CAMK2B: variants seen among roughly 807,000 people sequenced by gnomAD.
CAMK2B encodes calcium/calmodulin-dependent protein kinase type II subunit beta.
CAMK2B carries 27 observed loss-of-function variants against 93.7 expected under a neutral mutation model. The ratio of observed to expected loss-of-function variants is 0.29; its 90% CI spans 0.21 to 0.40. The LOEUF (loss-of-function observed/expected upper bound fraction) is 0.40, where lower values mean the gene tolerates loss of function less well. Among genes scored for constraint, CAMK2B ranks in the 10% least tolerant of loss-of-function variants. CAMK2B has a pLI of 1.00. For synonymous variants in CAMK2B, 374 were observed against 358.8 expected, an observed-to-expected ratio of 1.04 and a Z score of -0.48; for missense variants, 568 against 895.8, an observed-to-expected ratio of 0.63 and a Z score of 4.67.
chr7:44,292,696 C>G (rs1787197103), intron 1 of CAMK2B, among the ~76,000 whole-genome samples: 1 of 152,140 alleles, frequency 6.6e-6, no homozygotes, highest in Non-Finnish European at 1.5e-5. Flanking sequence ...ACCTATTTGA[C>G]CATAGAAATC....
intron 15 of CAMK2B, 64 bp from the exon 16 acceptor site, chr7:44,232,930 G>A (rs932152554): frequency 2.8e-6 from 4 of 1,453,230 alleles, no homozygotes; most frequent in Middle Eastern, 1.7e-4. Context: ...AGGAAGCGGA[G>A]ACCACCAGGA....
intron 1 of CAMK2B, among the ~76,000 whole-genome samples, chr7:44,319,529 C>A (rs1795564085): frequency 6.6e-6 from 1 of 152,202 alleles, no homozygotes; most frequent in Admixed American, 6.5e-5. Flanking sequence ...TCCTTCAGTT[C>A]TTTCAAGTGA....
rs2096657342 is a variant in CAMK2B at position 44,239,572 on chromosome 7, G to A, written c.1021+17C>T. ...GACGGGCGGGAGCGGGCGGGACGCT[G>A]GTCGAGACACATCTACCTTGTTCCA... On this transcript the variant is annotated intron_variant, in intron 13 of 23. Coordinates refer to ENST00000395749, the MANE Select transcript of CAMK2B (RefSeq NM_001220.5). The A allele has an allele frequency of 6.5e-7, 1 of 1,544,732 alleles. No individual in the cohort carries two copies. The highest frequency in any genetic ancestry group is 8.7e-7 in the Non-Finnish European group (1 of 1,143,788).
intron 2 of CAMK2B, 45 bp from the exon 3 acceptor site, chr7:44,263,109 TG>T (rs751924335): frequency 6.3e-7 from 1 of 1,587,546 alleles, no homozygotes; most frequent in South Asian, 1.1e-5. Flanking sequence ...CGCCAGCAAC[TG>T]GTGGCCCAGG....
At position 44,225,127 on chromosome 7, in the gene CAMK2B, A is replaced by C. The variant is rs1273043391; in HGVS notation, c.1597+1389T>G. On this transcript the variant is annotated intron_variant, in intron 20 of 23. Coordinates refer to ENST00000395749, the MANE Select transcript of CAMK2B (RefSeq NM_001220.5). This position sits in a 1 kb window ranked among gnomAD's most constrained non-coding sequence, Gnocchi z 5.0. Reference sequence around the variant, plus strand: ...CTGGACACCGAGCCCCGAGCTGGCCACTCCACACCCACCCTGGGCCCTGTC... The same window carrying C: ...CTGGACACCGAGCCCCGAGCTGGCCCCTCCACACCCACCCTGGGCCCTGTC... 6.6e-6 allele frequency among the ~76,000 whole-genome samples: 1 copy of C among 151,530 alleles called. No individual in the cohort carries two copies. Among genetic ancestry groups the C allele is most frequent in the Non-Finnish European group, 1.5e-5 (1 of 67,840 alleles).
intron 5 of CAMK2B, among the ~76,000 whole-genome samples, chr7:44,250,691 G>C (rs898914420): frequency 6.6e-6 from 1 of 152,042 alleles, no homozygotes; most frequent in Admixed American, 6.6e-5. Context: ...CACCACACCA[G>C]GCTAATTTTT....
At chr7:44,228,659 G>T in intron 19 of CAMK2B, 137 bp downstream of exon 19, 1 of 786,286 alleles carries the variant, frequency 1.3e-6, no homozygotes, top group African/African-American at 1.8e-5. Flanking sequence ...AGGAAGCCCC[G>T]CCAGGGCAGG....
intron 5 of CAMK2B, among the ~76,000 whole-genome samples, chr7:44,252,529 C>T (rs1425717183): frequency 1.6e-4 from 3 of 18,852 alleles, no homozygotes; most frequent in Non-Finnish European, 1.0e-4. Flanking sequence ...TGATGGGGCA[C>T]GGGCAGGGGG....
chr7:44,261,364 C>T (rs897066292), intron 3 of CAMK2B, among the ~76,000 whole-genome samples: 2 of 152,256 alleles, frequency 1.3e-5, no homozygotes, highest in African/African-American at 4.8e-5. Context: ...ATGCCCCCCG[C>T]AGAACCCCCA....
chr7:44,228,937 A>C lies in CAMK2B; in HGVS notation c.1340-13T>G. 6.2e-7 allele frequency: 1 copy of C among 1,608,004 alleles called. No homozygotes were observed. Among genetic ancestry groups the C allele is most frequent in the Non-Finnish European group, 8.5e-7 (1 of 1,177,016 alleles). ...GAGATCCTGGGGGCTGGGGTGGAAC[A>C]GATGAGACGTGAACATGAGGCAGAC... On this transcript the variant is annotated splice_polypyrimidine_tract_variant and intron_variant, in intron 18 of 23. Coordinates refer to ENST00000395749, the MANE Select transcript of CAMK2B (RefSeq NM_001220.5).
chr7:44,259,949 G>T (rs533333416), intron 3 of CAMK2B, among the ~76,000 whole-genome samples: 2 of 152,214 alleles, frequency 1.3e-5, no homozygotes, highest in Admixed American at 1.3e-4. Flanking sequence ...GCACAGGGAG[G>T]TTAGGTAAGC....
At chr7:44,254,162 A>G (rs1280347109) in intron 5 of CAMK2B, among the ~76,000 whole-genome samples, 1 of 152,126 alleles carries the variant, frequency 6.6e-6, no homozygotes. Flanking sequence ...CCGGGCCACA[A>G]ACAGTCATCT....
intron 1 of CAMK2B, among the ~76,000 whole-genome samples, chr7:44,301,150 C>T (rs564113182): frequency 1.3e-5 from 2 of 152,198 alleles, no homozygotes; most frequent in South Asian, 4.2e-4. Flanking sequence ...TTTTTAGGGA[C>T]AAGGTCTCAC....
rs754439797 is a variant in CAMK2B at position 44,220,214 on chromosome 7, T to C, written c.1849A>G (p.Ile617Val). The change falls in exon 23 of 24, where the codon ATC (isoleucine) becomes GTC (valine). Residue 617 changes from isoleucine to valine, a missense_variant. Transcript: ENST00000395749. ...VHVIGEDAAC[I>V]AYIRLTQYID... Reference sequence around the variant, plus strand: ...TACTGCGTGAGCCGGATGTAAGCGATGCAGGCGGCATCCTCTCCAATGACG... The same window carrying C: ...TACTGCGTGAGCCGGATGTAAGCGACGCAGGCGGCATCCTCTCCAATGACG... 3 of 1,613,386 alleles carry C rather than the reference T, an allele frequency of 1.9e-6. No homozygotes were observed. The highest frequency in any genetic ancestry group is 1.7e-5 in the Admixed American group (1 of 60,030).
intron 13 of CAMK2B, among the ~76,000 whole-genome samples, chr7:44,237,910 C>T (rs761423432): frequency 3.3e-5 from 5 of 152,156 alleles, no homozygotes; most frequent in East Asian, 1.9e-4. Context: ...TGCAGCTGGC[C>T]GGACACTGGG....
At position 44,300,020 on chromosome 7, in the gene CAMK2B, C is replaced by CTGTGTGTG. The variant is rs143590426; in HGVS notation, c.66-15803_66-15796dup. 7.0e-3 allele frequency among the ~76,000 whole-genome samples: 989 copies of CTGTGTGTG among 141,694 alleles called. 8 individuals are homozygous for CTGTGTGTG. Among genetic ancestry groups the CTGTGTGTG allele is most frequent in the African/African-American group, 0.019 (695 of 37,462 alleles). The allele number at this position is 141,694 out of a possible 152,430, so 93.0% of individuals were successfully genotyped here. A position where few individuals can be genotyped will look rare whatever the true frequency, so the allele number is the denominator to read the frequency against. The stretch of plus-strand genomic sequence containing the variant: ...TATATGTATGTATATGTGTATGTGT[C>CTGTGTGTG]TGTGTGTGTGTGTGTGTGTGTGTGT... On this transcript the variant is annotated intron_variant, in intron 1 of 23. Transcript: ENST00000395749.
chr7:44,258,263 A>C (rs2096850970), intron 4 of CAMK2B, among the ~76,000 whole-genome samples: 1 of 149,698 alleles, frequency 6.7e-6, no homozygotes, highest in Non-Finnish European at 1.5e-5. Flanking sequence ...ACACACATGC[A>C]AACGTGCATG....
At chr7:44,233,321 T>A (rs1174638497) in intron 15 of CAMK2B, among the ~76,000 whole-genome samples, 1 of 152,058 alleles carries the variant, frequency 6.6e-6, no homozygotes, top group Non-Finnish European at 1.5e-5. Flanking sequence ...GGGCTGGCTG[T>A]GAGGCTGGCA....
chr7:44,241,775 G>A lies in CAMK2B; in HGVS notation c.828C>T (p.Ser276=). The A allele has an allele frequency of 6.2e-7, 1 of 1,613,204 alleles. No homozygotes were observed. Among genetic ancestry groups the A allele is most frequent in the Non-Finnish European group, 8.5e-7 (1 of 1,179,424 alleles). ...ALKHPWVCQR[S]TVASMMHRQE... Reference sequence around the variant, plus strand: ...GTCTGTGCATCATGGATGCTACCGTGGAGCGTTGCTGTGGGGAAATGGGTG... The same window carrying A: ...GTCTGTGCATCATGGATGCTACCGTAGAGCGTTGCTGTGGGGAAATGGGTG... The change falls in exon 11 of 24, where the codon TCC becomes TCT. Residue 276 remains serine (S), a synonymous_variant. Transcript: ENST00000395749.
Sources: gnomAD v4.1 joint callset for allele counts (sites outside exome capture counted in the v4.1 genomes callset) on GRCh38, gnomAD v4.1.1 for gene constraint, Gnocchi (gnomAD v3.1) non-coding constraint, MANE v1.5 for transcripts, NCBI Gene and HGNC (gene_info 2026-07-23, HGNC 2026-07-21) for gene names.